The following WWP2 variants were observed in gnomAD, a reference collection of about 807,000 sequenced individuals.
The protein encoded by WWP2 is WW domain containing E3 ubiquitin protein ligase 2.
In WWP2, 57 loss-of-function variants were observed where a neutral mutation model predicts 121.0. The ratio of observed to expected loss-of-function variants is 0.47; its 90% confidence interval spans 0.38 to 0.59. The LOEUF (loss-of-function observed/expected upper bound fraction) is 0.59, where lower values mean the gene tolerates loss of function less well. WWP2 is among the 20% of genes least tolerant of loss of function. The probability of loss-of-function intolerance (pLI) is 0.00; values close to 1 mark genes in which losing one functional copy is unlikely to be tolerated. For missense variants in WWP2, 962 were observed against 1,158.9 expected (o/e 0.83, Z 2.47); for synonymous variants, 449 against 441.3 (o/e 1.02, Z -0.22).
intron 21 of WWP2, among the ~76,000 whole-genome samples, chr16:69,938,617 G>T (rs538357561): frequency 6.6e-6 from 1 of 152,352 alleles, no homozygotes; most frequent in South Asian, 2.1e-4. Context: ...CTGCACTCCA[G>T]CCTGGGCGAC....
At position 69,937,521 on chromosome 16, in the gene WWP2, G is replaced by T. The variant is rs749653795; in HGVS notation, c.2239-27G>T. 6.2e-7 allele frequency: 1 copy of T among 1,612,378 alleles called. No homozygotes were observed. Among genetic ancestry groups the T allele is most frequent in the East Asian group, 2.2e-5 (1 of 44,870 alleles). On this transcript the variant is annotated intron_variant, in intron 20 of 23. Coordinates refer to ENST00000359154, the MANE Select transcript of WWP2 (RefSeq NM_001270454.2). This position sits in a 1 kb window ranked among gnomAD's most constrained non-coding sequence, Gnocchi z 6.6. ...ACGATGCGCGGGGAGGGACCTGCCG[G>T]GGATGCTGACTGCCGCCTCTCCCCA... is the stretch of plus-strand genomic sequence containing the variant.
chr16:69,874,824 G>T (rs1161842410), intron 7 of WWP2, among the ~76,000 whole-genome samples: 7 of 152,058 alleles, frequency 4.6e-5, no homozygotes, highest in Admixed American at 6.6e-5. Flanking sequence ...TGCGTTTAAG[G>T]CCCAGTGACT....
intron 7 of WWP2, among the ~76,000 whole-genome samples, chr16:69,887,669 G>A (rs553179966): frequency 6.6e-6 from 1 of 152,168 alleles, no homozygotes; most frequent in Non-Finnish European, 1.5e-5. Flanking sequence ...GCCTCCCAAA[G>A]TGCTGGGATT....
chr16:69,769,634 T>C (rs1420146434), intron 1 of WWP2, among the ~76,000 whole-genome samples: 1 of 151,962 alleles, frequency 6.6e-6, no homozygotes, highest in South Asian at 2.1e-4. Context: ...TATCGAGAAG[T>C]GGTTTTGTTT....
intron 19 of WWP2, 35 bp downstream of exon 19, chr16:69,936,487 G>C (rs371519415): frequency 9.9e-6 from 16 of 1,612,242 alleles, no homozygotes; most frequent in Non-Finnish European, 1.3e-5. Flanking sequence ...CGCTCCAGGG[G>C]TGGCGTGGAG....
In WWP2 at chr16:69,931,877, G is replaced by A; in HGVS notation, c.1669G>A (p.Gly557Arg). ...IMRGEEGLDYGGIAREWFFLL... is the reference protein window; with the variant it reads ...IMRGEEGLDYRGIAREWFFLL... ...GCGTGGCGAGGAGGGCCTGGACTAT[G>A]GGGGCATCGCCAGGTGAGCTTGAGT... Residue 557 changes from glycine (G) to arginine (R), a missense_variant, in exon 16 of 24, where the codon GGG becomes AGG. By Grantham distance (125) the Gly-to-Arg change is moderately radical. Coordinates refer to ENST00000359154, the MANE Select transcript of WWP2 (RefSeq NM_001270454.2). 6.2e-7 allele frequency: 1 copy of A among 1,613,240 alleles called. No homozygotes were observed.
chr16:69,920,696 A>T (rs909955447), intron 10 of WWP2, among the ~76,000 whole-genome samples: 13 of 151,238 alleles, frequency 8.6e-5, no homozygotes, highest in African/African-American at 3.2e-4. Context: ...GGCGGGTGGG[A>T]GGATCACTTG....
chr16:69,808,307 T>G (rs149512637), intron 4 of WWP2, among the ~76,000 whole-genome samples: 2,155 of 152,216 alleles, frequency 0.014, 50 homozygotes, highest in African/African-American at 0.046. Context: ...TCTCGCTATA[T>G]TGCCCAGGCT....
chr16:69,882,950 C>A (rs773263909), intron 7 of WWP2, among the ~76,000 whole-genome samples: 1 of 151,930 alleles, frequency 6.6e-6, no homozygotes, highest in Non-Finnish European at 1.5e-5. Flanking sequence ...GTCAGGAGTT[C>A]CAGACCAGCC....
intron 4 of WWP2, among the ~76,000 whole-genome samples, chr16:69,817,659 CTTTTTTTTT>C (rs200998762): frequency 1.7e-5 from 2 of 119,982 alleles, no homozygotes; most frequent in South Asian, 2.5e-4. Flanking sequence ...TTGTTAAACT[CTTTTTTTTT>C]TTTTTTTTTT....
At chr16:69,837,646 G>C (rs2056900305) in intron 4 of WWP2, among the ~76,000 whole-genome samples, 1 of 152,016 alleles carries the variant, frequency 6.6e-6, no homozygotes, top group Admixed American at 6.6e-5. Flanking sequence ...CCTCCAGGAA[G>C]GAGGAAAAAA....
chr16:69,923,147 C>T (rs2058586907), intron 10 of WWP2, among the ~76,000 whole-genome samples: 1 of 152,170 alleles, frequency 6.6e-6, no homozygotes, highest in Non-Finnish European at 1.5e-5. Context: ...GCCTCAGACT[C>T]CCAAAGTGCT....
intron 4 of WWP2, among the ~76,000 whole-genome samples, chr16:69,802,945 G>GA (rs966512389): frequency 6.6e-6 from 1 of 151,904 alleles, no homozygotes; most frequent in African/African-American, 2.4e-5. Context: ...ACCAAAATCT[G>GA]AAAAAATCTG....
At chr16:69,770,987 G>A (rs1378879825) in intron 1 of WWP2, among the ~76,000 whole-genome samples, 2 of 149,676 alleles carry the variant, frequency 1.3e-5, no homozygotes, top group African/African-American at 4.9e-5. Flanking sequence ...AAAAAAAAAA[G>A]GTAGTATTCT....
Position 69,933,916 on chromosome 16 carries a change from A to G in WWP2, c.1683-54A>G, listed in dbSNP as rs2058757075. On this transcript the variant is annotated intron_variant, in intron 16 of 23. Coordinates refer to ENST00000359154, the MANE Select transcript of WWP2 (RefSeq NM_001270454.2). Reference sequence around the variant, plus strand: ...TGGTGAAGAGACACAGCTCCTGTGCAGATGTGCACGAAGGGACCCATTATT... The same window carrying G: ...TGGTGAAGAGACACAGCTCCTGTGCGGATGTGCACGAAGGGACCCATTATT... The G allele has an allele frequency of 1.5e-5, 23 of 1,580,874 alleles. No homozygotes were observed. In the South Asian group the frequency reaches 2.5e-4, roughly 17 times the overall value.
At chr16:69,939,317 G>A (rs1005384236) in intron 22 of WWP2, 24 bp from the exon 23 acceptor site, 59 of 1,613,866 alleles carry the variant, frequency 3.7e-5, no homozygotes, top group Non-Finnish European at 4.3e-5. Flanking sequence ...TGCTGACGTC[G>A]GCGTGTTTTA....
intron 6 of WWP2, among the ~76,000 whole-genome samples, chr16:69,862,502 C>T (rs1209859138): frequency 1.3e-5 from 2 of 152,036 alleles, no homozygotes; most frequent in South Asian, 2.1e-4. Flanking sequence ...CCAACCACCT[C>T]GGCCTTCCAA....
chr16:69,862,202 A>G (rs1237824777), intron 6 of WWP2, among the ~76,000 whole-genome samples: 1 of 152,134 alleles, frequency 6.6e-6, no homozygotes, highest in African/African-American at 2.4e-5. Flanking sequence ...AGTAGCTGGG[A>G]TTACAGGCAT....
chr16:69,845,380 C>A (rs1375844939), intron 6 of WWP2, among the ~76,000 whole-genome samples: 3 of 152,090 alleles, frequency 2.0e-5, no homozygotes, highest in Non-Finnish European at 1.5e-5. Flanking sequence ...TGAATCAGAC[C>A]TTTGGGATCA....
Sources: gnomAD v4.1 joint callset for allele counts (sites outside exome capture counted in the v4.1 genomes callset) on GRCh38, gnomAD v4.1.1 for gene constraint, Gnocchi (gnomAD v3.1) non-coding constraint, MANE v1.5 for transcripts, NCBI Gene and HGNC (gene_info 2026-07-23, HGNC 2026-07-21) for gene names.